JPH3: variants seen among roughly 807,000 people sequenced by gnomAD.
JPH3 encodes the protein junctophilin 3.
A neutral mutation model predicts 59.6 loss-of-function variants in JPH3; 11 were observed. That is an observed-to-expected ratio of 0.18 (90% CI 0.12 to 0.31). JPH3 has a LOEUF of 0.31. Among genes scored for constraint, JPH3 ranks in the 10% least tolerant of loss-of-function variants. JPH3 has a pLI of 1.00. For synonymous variants in JPH3, 673 were observed against 483.6 expected (o/e 1.39, Z -5.14); for missense variants, 1,202 against 1,105.7 (o/e 1.09, Z -1.24).
intron 2 of JPH3, among the ~76,000 whole-genome samples, chr16:87,648,542 C>G (rs2032228261): frequency 6.6e-6 from 1 of 152,210 alleles, no homozygotes; most frequent in Non-Finnish European, 1.5e-5. Flanking sequence ...GTGCCGGGCC[C>G]TTCCCCGGAG....
intron 4 of JPH3, chr16:87,695,256 C>T (rs1394122445): frequency 2.2e-6 from 1 of 454,310 alleles, no homozygotes; most frequent in Middle Eastern, 3.4e-4. Context: ...CTTAACAGAC[C>T]ACCCCATCAT....
chr16:87,688,211 G>A lies in JPH3; in HGVS notation c.1286-1435G>A, dbSNP rs1049784632. On this transcript the variant is annotated intron_variant, in intron 3 of 4. Coordinates refer to ENST00000284262, the MANE Select transcript of JPH3 (RefSeq NM_020655.4). ...GAGTGGCCCACCCACACCCCCGTGTGACAGGAACTCAGACTTGGGAGGGCT... is the reference window on the plus strand; with the variant it reads ...GAGTGGCCCACCCACACCCCCGTGTAACAGGAACTCAGACTTGGGAGGGCT... 5.9e-5 allele frequency among the ~76,000 whole-genome samples: 9 copies of A among 152,040 alleles called. 1 individual carries two copies. Among genetic ancestry groups the A allele is most frequent in the Admixed American group, 5.2e-4 (8 of 15,272 alleles).
In JPH3 at chr16:87,687,791, G is replaced by T. The variant is rs142392827; in HGVS notation, c.1286-1855G>T. Among the ~76,000 whole-genome samples, 987 of 152,320 alleles carry T rather than the reference G, an allele frequency of 6.5e-3. 33 individuals are homozygous for T. The highest frequency in any genetic ancestry group is 0.047 in the Admixed American group (721 of 15,298). On this transcript the variant is annotated intron_variant, in intron 3 of 4. Transcript: ENST00000284262. ...GCGTGGGGTCTCCTGGGCCAGCCAGGCCTGATCTCGGCAGCAGTGGGTGGA... is the reference window on the plus strand; with the variant it reads ...GCGTGGGGTCTCCTGGGCCAGCCAGTCCTGATCTCGGCAGCAGTGGGTGGA...
intron 3 of JPH3, among the ~76,000 whole-genome samples, chr16:87,686,750 G>A (rs927420633): frequency 7.9e-5 from 12 of 152,200 alleles, no homozygotes; most frequent in African/African-American, 2.9e-4. Context: ...TCAGGTCCCT[G>A]CAGGAGGGGC....
At chr16:87,641,659 C>T (rs2031956989) in intron 1 of JPH3, among the ~76,000 whole-genome samples, 1 of 152,254 alleles carries the variant, frequency 6.6e-6, no homozygotes, top group Admixed American at 6.5e-5. Flanking sequence ...GGCTGCGTTG[C>T]CGATTCCTTT....
At chr16:87,610,751 G>A (rs1018450409) in intron 1 of JPH3, among the ~76,000 whole-genome samples, 1 of 152,164 alleles carries the variant, frequency 6.6e-6, no homozygotes, top group Non-Finnish European at 1.5e-5. Context: ...GACTGCCAGT[G>A]TTTCATATGA....
intron 2 of JPH3, among the ~76,000 whole-genome samples, chr16:87,676,514 T>A (rs117186386): frequency 6.6e-6 from 1 of 152,188 alleles, no homozygotes; most frequent in African/African-American, 2.4e-5. Flanking sequence ...CGCAGGTGGA[T>A]CACGAGGTCA....
At chr16:87,673,440 G>T (rs948752846) in intron 2 of JPH3, among the ~76,000 whole-genome samples, 1 of 152,150 alleles carries the variant, frequency 6.6e-6, no homozygotes, top group Non-Finnish European at 1.5e-5. Context: ...GCAAAGTTCA[G>T]ACCCCAGGAA....
At chr16:87,642,322 C>T (rs1477059126) in intron 1 of JPH3, among the ~76,000 whole-genome samples, 3 of 152,094 alleles carry the variant, frequency 2.0e-5, no homozygotes, top group Non-Finnish European at 4.4e-5. Context: ...GCAGCCTCTC[C>T]GTTTAAAAAG....
intron 3 of JPH3, among the ~76,000 whole-genome samples, chr16:87,689,071 G>T (rs1191451456): frequency 3.3e-5 from 5 of 152,166 alleles, no homozygotes; most frequent in Admixed American, 3.3e-4. Flanking sequence ...CCCTTCCGGG[G>T]AGCCCCGCCC....
At chr16:87,616,217 TG>T (rs1311061390) in intron 1 of JPH3, among the ~76,000 whole-genome samples, 27 of 147,698 alleles carry the variant, frequency 1.8e-4, no homozygotes, top group African/African-American at 5.7e-4. Flanking sequence ...TGTGTGTGTG[TG>T]TGTGTGTGTG....
intron 1 of JPH3, among the ~76,000 whole-genome samples, chr16:87,623,102 A>G (rs1039595986): frequency 5.3e-5 from 8 of 152,136 alleles, no homozygotes; most frequent in African/African-American, 1.9e-4. Flanking sequence ...GCCTCAATGG[A>G]GGAGTCCACT....
At chr16:87,676,575 A>T (rs2033145795) in intron 2 of JPH3, among the ~76,000 whole-genome samples, 1 of 152,136 alleles carries the variant, frequency 6.6e-6, no homozygotes, top group African/African-American at 2.4e-5. Context: ...CTCTCCTAAA[A>T]ATACAAAAAT....
In JPH3 at chr16:87,690,435, G is replaced by T; in HGVS notation, c.2075G>T (p.Arg692Leu). ...RLGGAEPRLL[R>L]WDLTFSPPQK... ...GGCGGGGCCGAGCCCCGGTTGCTGC[G>T]TTGGGACTTGACCTTCTCCCCGCCC... The change falls in exon 4 of 5, where the codon CGT becomes CTT. Residue 692 changes from arginine to leucine, a missense_variant. Physicochemically the swap from Arg to Leu is moderately radical, Grantham distance 102 (BLOSUM62 -2). Coordinates refer to ENST00000284262, the MANE Select transcript of JPH3 (RefSeq NM_020655.4). The T allele has an allele frequency of 6.7e-7, 1 of 1,494,986 alleles. No individual in the cohort carries two copies. The highest frequency in any genetic ancestry group is 8.9e-7 in the Non-Finnish European group (1 of 1,125,194). The allele number at this position is 1,494,986 out of a possible 1,614,324, so 92.6% of individuals were successfully genotyped here.
chr16:87,631,115 C>T (rs2031552385), intron 1 of JPH3, among the ~76,000 whole-genome samples: 1 of 152,164 alleles, frequency 6.6e-6, no homozygotes, highest in African/African-American at 2.4e-5. Context: ...TTGAGCAAAC[C>T]TGCCAGATTC....
At chr16:87,677,170 C>T (rs1027220196) in intron 2 of JPH3, among the ~76,000 whole-genome samples, 16 of 134,776 alleles carry the variant, frequency 1.2e-4, no homozygotes, top group African/African-American at 2.6e-4. Flanking sequence ...CACACACACA[C>T]GCACTATATA....
At chr16:87,693,220 TTGCGGAGGG>T (rs975865704) in intron 4 of JPH3, among the ~76,000 whole-genome samples, 5 of 152,146 alleles carry the variant, frequency 3.3e-5, no homozygotes, top group African/African-American at 1.2e-4. Context: ...GGCTGGGAGG[TTGCGGAGGG>T]TGTGGGCCTG....
rs148045650 is a variant in JPH3, at chr16:87,636,536, A to G, written c.383-7722A>G. On this transcript the variant is annotated intron_variant, in intron 1 of 4. Transcript: ENST00000284262. Reference sequence around the variant, plus strand: ...AGCCCGCAGAGCTCCCGTCTGGGGGAAGCCCTGTCCCTCACTGCCTGTTCC... The same window carrying G: ...AGCCCGCAGAGCTCCCGTCTGGGGGGAGCCCTGTCCCTCACTGCCTGTTCC... Among the ~76,000 whole-genome samples the G allele has an allele frequency of 5.5e-4, 84 of 152,198 alleles. 1 individual carries two copies. The highest frequency in any genetic ancestry group is 1.9e-3 in the African/African-American group (79 of 41,522).
At chr16:87,612,473 C>T (rs900267558) in intron 1 of JPH3, among the ~76,000 whole-genome samples, 1 of 152,114 alleles carries the variant, frequency 6.6e-6, no homozygotes, top group Non-Finnish European at 1.5e-5. Context: ...TTAAACATTC[C>T]AGGTGATTCT....
Sources: gnomAD v4.1 joint callset for allele counts (sites outside exome capture counted in the v4.1 genomes callset) on GRCh38, gnomAD v4.1.1 for gene constraint, MANE v1.5 for transcripts, NCBI Gene and HGNC (gene_info 2026-07-23, HGNC 2026-07-21) for gene names.